Variants in ODAD4 observed in about 807,000 individuals in gnomAD.
ODAD4 encodes outer dynein arm-docking complex subunit 4.
A neutral mutation model predicts 51.8 loss-of-function variants in ODAD4; 49 were observed. That is an observed-to-expected ratio of 0.95 (90% CI 0.75 to 1.20). The LOEUF is 1.20. ODAD4 is among the 50% of genes most tolerant of loss of function. ODAD4 has a pLI of 0.00. For missense variants in ODAD4, 590 were observed against 586.5 expected (o/e 1.01, Z -0.06); for synonymous variants, 235 against 221.3 (o/e 1.06, Z -0.55).
intron 10 of ODAD4, among the ~76,000 whole-genome samples, chr17:41,960,657 C>G (rs1162995337): frequency 6.6e-6 from 1 of 152,228 alleles, no homozygotes; most frequent in African/African-American, 2.4e-5. Flanking sequence ...GTGACCCTCA[C>G]TGACTCCTCA....
chr17:41,941,945 G>T (rs2050513225), intron 7 of ODAD4, among the ~76,000 whole-genome samples: 1 of 152,130 alleles, frequency 6.6e-6, no homozygotes, highest in Non-Finnish European at 1.5e-5. Context: ...TGTGCTAAGT[G>T]ACTGAATAAT....
intron 9 of ODAD4, among the ~76,000 whole-genome samples, chr17:41,951,319 G>A (rs2050648417): frequency 6.6e-6 from 1 of 151,472 alleles, no homozygotes; most frequent in Non-Finnish European, 1.5e-5. Context: ...TCTTGACCTC[G>A]TGATCTGCCT....
rs1555642329 is a variant in ODAD4 at position 41,965,048 on chromosome 17, G to A, written c.1584G>A (p.Val528=). The change falls in exon 12 of 12, where the codon GTG becomes GTA. Residue 528 remains valine, a synonymous_variant. Transcript: ENST00000377540. The part of the protein sequence containing the change: ...IITREKDMRR[V]RDEPEKVVKQ... ...CAAGAGAGAAGGACATGAGGAGAGT[G>A]AGAGATGAGCCCGAGAAGGTGGTGA... 1.3e-6 allele frequency: 1 copy of A among 743,238 alleles called. No individual in the cohort carries two copies. The allele number at this position is 743,238 out of a possible 1,614,324, so 46.0% of individuals were successfully genotyped here.
Position 41,938,697 on chromosome 17 carries a change from C to G in ODAD4, c.766C>G (p.Gln256Glu). 6.2e-7 allele frequency: 1 copy of G among 1,613,950 alleles called. No homozygotes were observed. Among genetic ancestry groups the G allele is most frequent in the Non-Finnish European group, 8.5e-7 (1 of 1,179,894 alleles). ...CAGGGAGCGGGACCGGAAGCTGATG[C>G]AAGAGAAATGGCTGCGGGACCACAA... ...YARERDRKLMQEKWLRDHKRR... is the reference protein window; with the variant it reads ...YARERDRKLMEEKWLRDHKRR... Residue 256 changes from glutamine to glutamate, a missense_variant, in exon 6 of 12, where the codon CAA (glutamine) becomes GAA (glutamate). Coordinates refer to ENST00000377540, the MANE Select transcript of ODAD4 (RefSeq NM_031421.5).
At chr17:41,944,444 ACCCC>A (rs10578034) in intron 7 of ODAD4, among the ~76,000 whole-genome samples, 21 of 19,534 alleles carry the variant, frequency 1.1e-3, no homozygotes, top group African/African-American at 1.9e-3. Context: ...ACACACACAC[ACCCC>A]CCCGCATACA....
rs1234360443 is a variant in ODAD4 at position 41,965,695 on chromosome 17, G to T, written c.*212G>T. The T allele has an allele frequency of 2.1e-5, 11 of 516,882 alleles. No homozygotes were observed. The highest frequency in any genetic ancestry group is 3.8e-5 in the Admixed American group (1 of 26,506). 32.0% of individuals were successfully genotyped at this position (516,882 alleles called of 1,614,324 possible). ...GCCTCTTCACCCCTGCCCATTCTTGGAAGAGCATCGTGGAAGAAATGAGAA... is the reference window on the plus strand; with the variant it reads ...GCCTCTTCACCCCTGCCCATTCTTGTAAGAGCATCGTGGAAGAAATGAGAA... On this transcript the variant is annotated 3_prime_UTR_variant, in exon 12 of 12. Transcript: ENST00000377540.
chr17:41,942,138 G>A (rs1441142400), intron 7 of ODAD4, among the ~76,000 whole-genome samples: 1 of 152,172 alleles, frequency 6.6e-6, no homozygotes, highest in African/African-American at 2.4e-5. Context: ...GTTTCACCAT[G>A]TTAGCCAGGC....
At chr17:41,964,751 C>G (rs2050852462) in intron 11 of ODAD4, among the ~76,000 whole-genome samples, 1 of 152,120 alleles carries the variant, frequency 6.6e-6, no homozygotes, top group African/African-American at 2.4e-5. Context: ...TCAAGCGATT[C>G]TTCTGCCTCA....
At chr17:41,956,233 G>C (rs572610940) in intron 10 of ODAD4, among the ~76,000 whole-genome samples, 1 of 151,912 alleles carries the variant, frequency 6.6e-6, no homozygotes, top group East Asian at 1.9e-4. Context: ...ATTTTTAGTA[G>C]AGATGGGGTT....
chr17:41,957,451 C>T (rs898799422), intron 10 of ODAD4, among the ~76,000 whole-genome samples: 3 of 152,180 alleles, frequency 2.0e-5, no homozygotes, highest in African/African-American at 7.2e-5. Context: ...CACTTGCCGA[C>T]CCTCCGCTTA....
At chr17:41,939,255 G>GGT (rs2050473916) in intron 7 of ODAD4, 83 bp downstream of exon 7, 1 of 1,368,312 alleles carries the variant, frequency 7.3e-7, no homozygotes, top group Non-Finnish European at 9.8e-7. Context: ...CAGGGCTGCT[G>GGT]GTGGCTTGAC....
Position 41,938,582 on chromosome 17 carries a change from C to T in ODAD4, c.651C>T (p.Gly217=), listed in dbSNP as rs3809878. ...DEDLIKGTMK[G]GLTVEDLIMT... ...ACCTGATCAAAGGCACCATGAAGGG[C>T]GGCCTGACTGTGGAGGACCTCATCA... Residue 217 remains glycine (G), a synonymous_variant, in exon 6 of 12, where the codon GGC becomes GGT. Coordinates refer to ENST00000377540, the MANE Select transcript of ODAD4 (RefSeq NM_031421.5). The T allele has an allele frequency of 0.18, 288,333 of 1,613,190 alleles. 26,950 individuals are homozygous for T. Among genetic ancestry groups the T allele is most frequent in the African/African-American group, 0.21 (15,956 of 74,926 alleles).
intron 8 of ODAD4, among the ~76,000 whole-genome samples, chr17:41,948,646 G>A (rs1231813242): frequency 6.6e-6 from 1 of 151,570 alleles, no homozygotes; most frequent in East Asian, 1.9e-4. Context: ...TTGTGTGTAT[G>A]TGTGTGTGTT....
At chr17:41,939,600 G>C (rs1209115394) in intron 7 of ODAD4, among the ~76,000 whole-genome samples, 2 of 152,186 alleles carry the variant, frequency 1.3e-5, no homozygotes, top group Non-Finnish European at 2.9e-5. Flanking sequence ...TGAAAGAAAA[G>C]TACAGGATCC....
At chr17:41,949,116 G>T (rs952139022) in intron 8 of ODAD4, 37 bp from the exon 9 acceptor site, 15,259 of 398,372 alleles carry the variant, frequency 0.038, 464 homozygotes, top group South Asian at 0.14. Flanking sequence ...GCATGGTTTT[G>T]GGGGATGAAG....
chr17:41,936,597 G>A, intron 4 of ODAD4, 63 bp downstream of exon 4: 5 of 1,540,944 alleles, frequency 3.2e-6, no homozygotes, highest in Non-Finnish European at 3.6e-6. Flanking sequence ...GCCTGAGAAG[G>A]GGTCTTGGGA....
In ODAD4 at chr17:41,949,204, G is replaced by C. The variant is rs1233651291; in HGVS notation, c.1197G>C (p.Leu399=). 2.5e-6 allele frequency: 1 copy of C among 398,484 alleles called. No individual in the cohort carries two copies. The highest frequency in any genetic ancestry group is 4.4e-6 in the Non-Finnish European group (1 of 226,118). 24.7% of individuals were successfully genotyped at this position (398,484 alleles called of 1,614,324 possible). ...LAKTTLEKTW[L]FHEIGRCYLE... ...AAACCACCCTGGAGAAGACCTGGCT[G>C]TTCCACGAGATCGGCCGCTGCTACT... Residue 399 remains leucine (L), a synonymous_variant, in exon 9 of 12, where the codon CTG becomes CTC. Transcript: ENST00000377540.
chr17:41,948,451 G>A (rs1372399399), intron 8 of ODAD4, among the ~76,000 whole-genome samples: 6 of 151,592 alleles, frequency 4.0e-5, no homozygotes, highest in Middle Eastern at 6.8e-3. Context: ...CAAGTAGCTG[G>A]GCTACAGGCG....
chr17:41,946,081 C>T (rs377063456), intron 8 of ODAD4, among the ~76,000 whole-genome samples: 54 of 152,214 alleles, frequency 3.5e-4, no homozygotes, highest in Admixed American at 2.6e-4. Context: ...GCCCTCCTTA[C>T]CCTTGGGAGG....
Sources: gnomAD v4.1 joint callset for allele counts (sites outside exome capture counted in the v4.1 genomes callset) on GRCh38, gnomAD v4.1.1 for gene constraint, MANE v1.5 for transcripts, NCBI Gene and HGNC (gene_info 2026-07-23, HGNC 2026-07-21) for gene names.